APBA2: variants seen among roughly 807,000 people sequenced by gnomAD.
The protein encoded by APBA2 is amyloid beta precursor protein binding family A member 2.
In APBA2, 30 loss-of-function variants were observed where a neutral mutation model predicts 75.0. That is an observed-to-expected ratio of 0.40 (90% CI 0.30 to 0.54). The LOEUF is 0.54. Ranked by LOEUF, APBA2 falls within the 20% of genes least tolerant of loss-of-function variation. The pLI is 0.49. For missense variants in APBA2, 801 were observed against 1,016.1 expected (o/e 0.79, Z 2.88); for synonymous variants, 444 against 409.6 (o/e 1.08, Z -1.01).
At chr15:28,954,139 G>A (rs768441595) in intron 2 of APBA2, among the ~76,000 whole-genome samples, 7 of 152,066 alleles carry the variant, frequency 4.6e-5, no homozygotes, top group Admixed American at 3.9e-4. Flanking sequence ...AATCTGTTCC[G>A]TAAGCTGCCC....
intron 3 of APBA2, among the ~76,000 whole-genome samples, chr15:28,996,664 A>G (rs1307108215): frequency 6.6e-6 from 1 of 152,226 alleles, no homozygotes; most frequent in African/African-American, 2.4e-5. Flanking sequence ...CTGGAGTTAA[A>G]GAAGCAGAGC....
At chr15:28,920,889 G>A (rs1439274823) in intron 1 of APBA2, among the ~76,000 whole-genome samples, 2 of 152,148 alleles carry the variant, frequency 1.3e-5, no homozygotes, top group East Asian at 3.9e-4. Flanking sequence ...GATGTCAGTG[G>A]CAGAGCTAGG....
At chr15:28,927,228 T>C (rs1045444885) in intron 2 of APBA2, among the ~76,000 whole-genome samples, 2 of 152,094 alleles carry the variant, frequency 1.3e-5, no homozygotes, top group African/African-American at 4.8e-5. Context: ...TACCCCTCTA[T>C]AGATAAGGTG....
chr15:29,087,504 C>A (rs1306626625), intron 6 of APBA2, among the ~76,000 whole-genome samples: 1 of 152,188 alleles, frequency 6.6e-6, no homozygotes, highest in Non-Finnish European at 1.5e-5. Context: ...GCCTGTGCTG[C>A]AGGCCCAGGT....
chr15:28,912,002 A>G (rs949418013), intron 1 of APBA2, among the ~76,000 whole-genome samples: 1 of 152,210 alleles, frequency 6.6e-6, no homozygotes, highest in Non-Finnish European at 1.5e-5. Context: ...CCTATATAGC[A>G]ATGAAGTGAT....
chr15:29,116,829 CAACTG>C (rs535662010), intron 14 of APBA2, among the ~76,000 whole-genome samples: 381 of 152,270 alleles, frequency 2.5e-3, no homozygotes, highest in African/African-American at 8.6e-3. Context: ...AACTAGCACT[CAACTG>C]TATTGACTCC....
chr15:29,062,737 C>G (rs1002992824), intron 4 of APBA2, among the ~76,000 whole-genome samples: 1 of 151,906 alleles, frequency 6.6e-6, no homozygotes, highest in Non-Finnish European at 1.5e-5. Context: ...AGTGCCTCTC[C>G]CCTCAAACAC....
At chr15:28,916,651 T>A (rs2033703372) in intron 1 of APBA2, among the ~76,000 whole-genome samples, 1 of 103,156 alleles carries the variant, frequency 9.7e-6, no homozygotes, top group Non-Finnish European at 2.2e-5. Flanking sequence ...GACGGACCTG[T>A]AACTGGGATC....
chr15:28,996,829 A>AG (rs1555389317), intron 3 of APBA2, among the ~76,000 whole-genome samples: 2 of 151,202 alleles, frequency 1.3e-5, no homozygotes, highest in African/African-American at 2.4e-5. Flanking sequence ...CCTTGGGAAC[A>AG]CCCCCCCTGC....
intron 2 of APBA2, among the ~76,000 whole-genome samples, chr15:28,989,381 C>T (rs2038097343): frequency 6.6e-6 from 1 of 152,090 alleles, no homozygotes; most frequent in Non-Finnish European, 1.5e-5. Flanking sequence ...GGAGGATGCG[C>T]AGGTTCGTAT....
chr15:28,962,442 G>A (rs1055655967), intron 2 of APBA2, among the ~76,000 whole-genome samples: 3 of 152,120 alleles, frequency 2.0e-5, no homozygotes, highest in East Asian at 1.9e-4. Context: ...GGTGGCGGGC[G>A]CCTGTAGTCC....
intron 6 of APBA2, among the ~76,000 whole-genome samples, chr15:29,085,500 G>A (rs7177190): frequency 0.023 from 3,494 of 148,754 alleles, 140 homozygotes; most frequent in African/African-American, 0.083. Context: ...ACTCCAGCCT[G>A]GGCGACAGAG....
At chr15:28,968,070 T>C (rs1318297588) in intron 2 of APBA2, among the ~76,000 whole-genome samples, 1 of 152,260 alleles carries the variant, frequency 6.6e-6, no homozygotes, top group East Asian at 1.9e-4. Flanking sequence ...CTGACTTCTT[T>C]CCCTTAGCAT....
At chr15:28,909,662 A>G (rs1315035249) in intron 1 of APBA2, among the ~76,000 whole-genome samples, 2 of 152,192 alleles carry the variant, frequency 1.3e-5, no homozygotes, top group Non-Finnish European at 2.9e-5. Flanking sequence ...TGCTGGGCAC[A>G]GGTGCTGGGC....
intron 2 of APBA2, among the ~76,000 whole-genome samples, chr15:28,985,809 C>CT (rs1447578729): frequency 3.9e-5 from 6 of 152,254 alleles, no homozygotes; most frequent in African/African-American, 1.4e-4. Context: ...CGCACTTCTG[C>CT]TTTCTGGAAT....
chr15:28,920,928 C>T (rs73366703), intron 1 of APBA2, among the ~76,000 whole-genome samples: 76 of 152,268 alleles, frequency 5.0e-4, no homozygotes, highest in African/African-American at 1.8e-3. Context: ...CAGTTCTGTG[C>T]GAAGTCCAGG....
At chr15:29,069,675 C>T (rs1419437672) in intron 4 of APBA2, among the ~76,000 whole-genome samples, 1 of 152,182 alleles carries the variant, frequency 6.6e-6, no homozygotes, top group East Asian at 1.9e-4. Context: ...GGTTCTGTCT[C>T]CACATTGGAA....
At chr15:28,913,215 A>G (rs1293711775) in intron 1 of APBA2, among the ~76,000 whole-genome samples, 1 of 152,164 alleles carries the variant, frequency 6.6e-6, no homozygotes, top group Non-Finnish European at 1.5e-5. Context: ...CTCCTGATAC[A>G]GGGATCCTTG....
intron 3 of APBA2, among the ~76,000 whole-genome samples, chr15:29,038,547 C>A (rs2040860057): frequency 6.6e-6 from 1 of 152,024 alleles, no homozygotes; most frequent in African/African-American, 2.4e-5. Flanking sequence ...TTAGAGCCCT[C>A]AAGATAGTAC....
Sources: allele counts gnomAD v4.1 joint callset (sites outside exome capture counted in the v4.1 genomes callset), GRCh38; gene constraint gnomAD v4.1.1; transcripts MANE v1.5; gene names NCBI Gene and HGNC (gene_info 2026-07-23, HGNC 2026-07-21).